MARCHF8: variants seen among roughly 807,000 people sequenced by gnomAD.
MARCHF8 encodes the protein membrane associated ring-CH-type finger 8.
A neutral mutation model predicts 51.6 loss-of-function variants in MARCHF8; 40 were observed. That is an observed-to-expected ratio of 0.77 (90% CI 0.60 to 1.01). MARCHF8 has a LOEUF of 1.01. Ranked by LOEUF, MARCHF8 falls within the 50% of genes least tolerant of loss-of-function variation. MARCHF8 has a pLI of 0.00. For synonymous variants in MARCHF8, 263 were observed against 280.3 expected, an observed-to-expected ratio of 0.94 and a Z score of 0.62; for missense variants, 685 against 708.6, an observed-to-expected ratio of 0.97 and a Z score of 0.38.
chr10:45,476,225 G>T (rs2042784328), intron 3 of MARCHF8, among the ~76,000 whole-genome samples: 1 of 152,042 alleles, frequency 6.6e-6, no homozygotes, highest in South Asian at 2.1e-4. Flanking sequence ...CAATCAAAAA[G>T]AAATTTATGA....
chr10:45,562,227 T>C (rs997863445), intron 1 of MARCHF8, among the ~76,000 whole-genome samples: 1 of 152,000 alleles, frequency 6.6e-6, no homozygotes, highest in Non-Finnish European at 1.5e-5. Flanking sequence ...AGAGAAGCAA[T>C]ACATGAAGAG....
In MARCHF8 at chr10:45,461,284, C is replaced by CGCA; in HGVS notation, c.1213_1215dup (p.Cys405dup). 6.3e-7 allele frequency: 1 copy of CGCA among 1,597,570 alleles called. No homozygotes were observed. ...ATGATGAACTCATACTTGCAGAGCT[C>CGCA]GCAGCAGCGCGTGTCGGAGCTCTTG... is the stretch of plus-strand genomic sequence containing the variant. On this transcript the variant is annotated inframe_insertion, in exon 6 of 8. Coordinates refer to ENST00000453424, the MANE Select transcript of MARCHF8 (RefSeq NM_001282866.2).
At chr10:45,548,674 C>T (rs1402790427) in intron 1 of MARCHF8, among the ~76,000 whole-genome samples, 2 of 152,124 alleles carry the variant, frequency 1.3e-5, no homozygotes, top group African/African-American at 4.8e-5. Context: ...GTTTTCAACA[C>T]TTGGAAAACA....
At chr10:45,592,039 T>C (rs2044687031) in intron 1 of MARCHF8, among the ~76,000 whole-genome samples, 1 of 152,150 alleles carries the variant, frequency 6.6e-6, no homozygotes, top group Non-Finnish European at 1.5e-5. Context: ...AACTCCTCTA[T>C]CAGAAATTAG....
intron 3 of MARCHF8, among the ~76,000 whole-genome samples, chr10:45,482,684 G>A (rs963065742): frequency 6.6e-5 from 10 of 152,160 alleles, no homozygotes; most frequent in Non-Finnish European, 5.9e-5. Flanking sequence ...GAACCCAGGA[G>A]GCAGAGGTTG....
chr10:45,480,375 G>A (rs768460642), intron 3 of MARCHF8, among the ~76,000 whole-genome samples: 3 of 152,130 alleles, frequency 2.0e-5, no homozygotes, highest in Non-Finnish European at 4.4e-5. Flanking sequence ...AAGTAACGAA[G>A]AGCCAAATGT....
intron 3 of MARCHF8, among the ~76,000 whole-genome samples, chr10:45,475,329 C>G (rs2042767683): frequency 6.6e-6 from 1 of 152,216 alleles, no homozygotes; most frequent in Admixed American, 6.5e-5. Context: ...CCACTGCTGC[C>G]TCCACCAGAG....
chr10:45,503,564 T>TAAATAAATAAATAAATA (rs1564489394), intron 2 of MARCHF8, among the ~76,000 whole-genome samples: 2 of 149,986 alleles, frequency 1.3e-5, no homozygotes, highest in Non-Finnish European at 3.0e-5. Flanking sequence ...AATAAATAAA[T>TAAATAAATAAATAAATA]AAATAAAATA....
At chr10:45,572,985 C>T (rs1208099555) in intron 1 of MARCHF8, among the ~76,000 whole-genome samples, 1 of 152,090 alleles carries the variant, frequency 6.6e-6, no homozygotes, top group Non-Finnish European at 1.5e-5. Flanking sequence ...GGCCCTCCCC[C>T]ACCTGCCCAG....
rs1245600568 is a variant in MARCHF8 at position 45,463,534 on chromosome 10, C to G, written c.705G>C (p.Lys235Asn). The part of the protein sequence containing the change: ...RSTASEVEAG[K>N]GGRPGLLLEE... Reference sequence around the variant, plus strand: ...CCAGCAGCAGGCCGGGCCTGCCCCCCTTGCCAGCTTCCACCTCTGAGGCAG... The same window carrying G: ...CCAGCAGCAGGCCGGGCCTGCCCCCGTTGCCAGCTTCCACCTCTGAGGCAG... Residue 235 changes from lysine (K) to asparagine (N), a missense_variant, in exon 5 of 8, where the codon AAG (lysine) becomes AAC (asparagine). By Grantham distance (94) the Lys-to-Asn change is moderately conservative. Transcript: ENST00000453424. 1 of 1,550,546 alleles carries G rather than the reference C, an allele frequency of 6.4e-7. No individual in the cohort carries two copies. The highest frequency in any genetic ancestry group is 1.4e-5 in the African/African-American group (1 of 73,066).
At chr10:45,538,013 C>T (rs536144205), upstream of MARCHF8, among the ~76,000 whole-genome samples, 5 of 152,274 alleles carry the variant, frequency 3.3e-5, no homozygotes, top group South Asian at 6.2e-4. Flanking sequence ...GAGATGGCTA[C>T]TGTTGCCCTA....
At chr10:45,480,089 T>C (rs888283591) in intron 3 of MARCHF8, among the ~76,000 whole-genome samples, 5 of 152,198 alleles carry the variant, frequency 3.3e-5, no homozygotes, top group Non-Finnish European at 7.3e-5. Flanking sequence ...ACTCTTGCTA[T>C]GTTTTAGCAA....
chr10:45,556,097 CAT>C (rs1203611916), intron 1 of MARCHF8, among the ~76,000 whole-genome samples: 1 of 152,134 alleles, frequency 6.6e-6, no homozygotes, highest in Non-Finnish European at 1.5e-5. Flanking sequence ...TCGCAAAATT[CAT>C]ATATAATAGT....
intron 3 of MARCHF8, among the ~76,000 whole-genome samples, chr10:45,483,854 T>C (rs1464623785): frequency 2.0e-5 from 3 of 152,140 alleles, no homozygotes; most frequent in Non-Finnish European, 1.5e-5. Flanking sequence ...TTTGATCTCA[T>C]GGAGGTAGAA....
At chr10:45,516,068 A>G (rs934880610) in intron 2 of MARCHF8, among the ~76,000 whole-genome samples, 1 of 152,102 alleles carries the variant, frequency 6.6e-6, no homozygotes, top group Non-Finnish European at 1.5e-5. Flanking sequence ...CCCCTACCCC[A>G]TCCCATGAAT....
chr10:45,459,909 G>A, intron 6 of MARCHF8: 6 of 985,176 alleles, frequency 6.1e-6, no homozygotes, highest in Non-Finnish European at 7.2e-6. Context: ...AACACATAAA[G>A]GTAGAGAGAA....
intron 1 of MARCHF8, among the ~76,000 whole-genome samples, chr10:45,541,617 TAAC>T (rs1012903594): frequency 6.6e-6 from 1 of 152,092 alleles, no homozygotes; most frequent in Non-Finnish European, 1.5e-5. Flanking sequence ...AAGCAATTAC[TAAC>T]AACAACAAAA....
intron 3 of MARCHF8, among the ~76,000 whole-genome samples, chr10:45,483,657 A>G (rs1159794097): frequency 1.3e-5 from 2 of 152,258 alleles, no homozygotes; most frequent in African/African-American, 4.8e-5. Context: ...ATATGGAATC[A>G]GCCTAAGTGT....
intron 1 of MARCHF8, among the ~76,000 whole-genome samples, chr10:45,567,024 T>A (rs1051605076): frequency 3.3e-5 from 5 of 152,248 alleles, no homozygotes; most frequent in African/African-American, 1.2e-4. Context: ...ATTTCTCTGA[T>A]GATTGATGTT....
Sources: allele counts gnomAD v4.1 joint callset (sites outside exome capture counted in the v4.1 genomes callset), GRCh38; gene constraint gnomAD v4.1.1; transcripts MANE v1.5; gene names NCBI Gene and HGNC (gene_info 2026-07-23, HGNC 2026-07-21).